Variants in NBPF11 observed in about 807,000 individuals in gnomAD.
NBPF11 encodes the protein NBPF member 11.
A neutral mutation model predicts 93.9 loss-of-function variants in NBPF11; 72 were observed. That is an observed-to-expected ratio of 0.77 (90% CI 0.63 to 0.93). The LOEUF is 0.93. NBPF11 is among the 40% of genes least tolerant of loss of function. The pLI is 0.00. For synonymous variants in NBPF11, 224 were observed against 304.9 expected (o/e 0.73, Z 2.76); for missense variants, 705 against 802.2 (o/e 0.88, Z 1.46).
In NBPF11 at chr1:148,126,915, T is replaced by C; in HGVS notation, c.89A>G (p.Glu30Gly). 2 of 1,290,044 alleles carry C rather than the reference T, an allele frequency of 1.6e-6. No homozygotes were observed. The highest frequency in any genetic ancestry group is 2.3e-5 in the East Asian group (1 of 42,888). The allele number at this position is 1,290,044 out of a possible 1,614,324, so 79.9% of individuals were successfully genotyped here. A position where few individuals can be genotyped will look rare whatever the true frequency, so the allele number is the denominator to read the frequency against. ...INEKLRPQLA[E>G]NKQQFRNLKE... Reference sequence around the variant, plus strand: ...GAGGTTTCTGAACTGCTGTTTGTTCTCTGCCAACTGGGGGCGCAATTTCTC... The same window carrying C: ...GAGGTTTCTGAACTGCTGTTTGTTCCCTGCCAACTGGGGGCGCAATTTCTC... Residue 30 changes from glutamate (E) to glycine (G), a missense_variant, in exon 5 of 24, where the codon GAG becomes GGG. Physicochemically the swap from Glu to Gly is moderately conservative, Grantham distance 98. This residue lies in a region of NBPF11 where 128 missense variants were observed against 112.8 expected (regional missense o/e 1.14). Coordinates refer to ENST00000682118, the MANE Select transcript of NBPF11 (RefSeq NM_001385469.3).
In NBPF11 at chr1:148,103,516, G is replaced by A. The variant is rs1424703126; in HGVS notation, c.*380C>T. Reference sequence around the variant, plus strand: ...ATTGTCTTCAGACTGAGCACAGGTTGCCACTGGCATGCTCTGAGAATAGGA... The same window carrying A: ...ATTGTCTTCAGACTGAGCACAGGTTACCACTGGCATGCTCTGAGAATAGGA... On this transcript the variant is annotated 3_prime_UTR_variant, in exon 24 of 24. Transcript: ENST00000682118. The A allele has an allele frequency of 1.3e-5, 18 of 1,395,832 alleles. No homozygotes were observed. Among genetic ancestry groups the A allele is most frequent in the Non-Finnish European group, 1.8e-5 (18 of 1,018,292 alleles). The allele number at this position is 1,395,832 out of a possible 1,614,324, so 86.5% of individuals were successfully genotyped here.
rs1271540031 is a variant in NBPF11, at chr1:148,132,901, C to T, written c.-36+2771G>A. ...CAAGTAGCTGGACTACAGGCACATG[C>T]CACCACGCCTAGCTAATTTTTTGTA... is the stretch of plus-strand genomic sequence containing the variant. On this transcript the variant is annotated intron_variant, in intron 4 of 23. Coordinates refer to ENST00000682118, the MANE Select transcript of NBPF11 (RefSeq NM_001385469.3). 2.9e-5 allele frequency among the ~76,000 whole-genome samples: 4 copies of T among 138,186 alleles called. No individual in the cohort carries two copies. The South Asian group carries it at 1.0e-3, about 35-fold the overall frequency. 90.7% of individuals were successfully genotyped at this position (138,186 alleles called of 152,430 possible). A position where few individuals can be genotyped will look rare whatever the true frequency, so the allele number is the denominator to read the frequency against.
chr1:148,145,573 A>G (rs1173043572), intron 1 of NBPF11, among the ~76,000 whole-genome samples: 3 of 150,858 alleles, frequency 2.0e-5, no homozygotes, highest in Non-Finnish European at 1.5e-5. Context: ...TTGATAAAGT[A>G]TATTTCATTA....
rs1202275340 is a variant in NBPF11 at position 148,102,309 on chromosome 1, A to G, written c.*1587T>C. The G allele has an allele frequency of 7.9e-6, 1 of 127,268 alleles. No homozygotes were observed. The highest frequency in any genetic ancestry group is 1.7e-5 in the Non-Finnish European group (1 of 57,608). The allele number at this position is 127,268 out of a possible 1,614,324, so 7.9% of individuals were successfully genotyped here. On this transcript the variant is annotated 3_prime_UTR_variant, in exon 24 of 24. Transcript: ENST00000682118. ...CCAAAATTTGCAGCGTAGAGATATG[A>G]ATATAATAATAGACACAGGCAGGGA...
rs1454407408 is a variant in NBPF11 at position 148,146,200 on chromosome 1, C to T, written c.-548-2514G>A. Among the ~76,000 whole-genome samples the T allele has an allele frequency of 3.3e-5, 5 of 151,748 alleles. No individual in the cohort carries two copies. In the South Asian group the frequency reaches 6.2e-4, roughly 19 times the overall value. ...CATGGAGACCTGTGGTTGCGAGGCT[C>T]CCTGGGGCTCGGCTTGGACCGCGAT... is the stretch of plus-strand genomic sequence containing the variant. On this transcript the variant is annotated intron_variant, in intron 1 of 23. Coordinates refer to ENST00000682118, the MANE Select transcript of NBPF11 (RefSeq NM_001385469.3).
chr1:148,141,505 C>T (rs1672161739), intron 2 of NBPF11, among the ~76,000 whole-genome samples: 1 of 152,032 alleles, frequency 6.6e-6, no homozygotes, highest in African/African-American at 2.4e-5. Flanking sequence ...TGCAGCAGCC[C>T]CATACCAAGG....
In NBPF11 at chr1:148,123,871, C is replaced by A. The variant is rs1207133286; in HGVS notation, c.475G>T (p.Val159Phe). ...ACCTTACCTGGGCTGAGCTTTTGGA[C>A]AAGGTGCTGTGCCAGTCTACACCCC... ...AEGCRLAQHLVQKLSPENDED... is the reference protein window; with the variant it reads ...AEGCRLAQHLFQKLSPENDED... The change falls in exon 7 of 24, where the codon GTC (valine) becomes TTC (phenylalanine). Residue 159 changes from valine (V) to phenylalanine (F), a missense_variant. By Grantham distance (50) the Val-to-Phe change is conservative. Coordinates refer to ENST00000682118, the MANE Select transcript of NBPF11 (RefSeq NM_001385469.3). The A allele has an allele frequency of 5.2e-3, 8,271 of 1,605,324 alleles. 6 individuals are homozygous for A. The highest frequency in any genetic ancestry group is 0.029 in the Middle Eastern group (130 of 4,420).
rs1553268089 is a variant in NBPF11, at chr1:148,109,228, C to G, written c.1853+56G>C. 1.7e-5 allele frequency: 16 copies of G among 931,494 alleles called. No individual in the cohort carries two copies. The East Asian group carries it at 2.9e-4, about 17-fold the overall frequency. 57.7% of individuals were successfully genotyped at this position (931,494 alleles called of 1,614,324 possible). Reference sequence around the variant, plus strand: ...TTCAGCGTGTACTGTTTTCCCTGGACTTGGCATCTCCAGGTGTCAACATCA... The same window carrying G: ...TTCAGCGTGTACTGTTTTCCCTGGAGTTGGCATCTCCAGGTGTCAACATCA... On this transcript the variant is annotated intron_variant, in intron 17 of 23. Transcript: ENST00000682118.
At chr1:148,121,365 T>TTTTTTTTTTTA (rs1208452574) in intron 9 of NBPF11, among the ~76,000 whole-genome samples, 1 of 145,564 alleles carries the variant, frequency 6.9e-6, no homozygotes, top group Admixed American at 6.9e-5. Context: ...TTTTTTTTTT[T>TTTTTTTTTTTA]GAGATGCAGT....
intron 14 of NBPF11, among the ~76,000 whole-genome samples, chr1:148,115,205 C>T (rs1208185779): frequency 1.0e-5 from 1 of 96,010 alleles, no homozygotes; most frequent in Non-Finnish European, 2.2e-5. Flanking sequence ...AAAAAAAAAT[C>T]TACGACGCTA....
chr1:148,110,099 G>C lies in NBPF11; in HGVS notation c.1801+279C>G, dbSNP rs1185916564. On this transcript the variant is annotated intron_variant, in intron 16 of 23. Transcript: ENST00000682118. ...TCCTGGGCATGTGCTGCACAGTTTG[G>C]TGTGAGTTTGCCACACCTGCCTTGA... is the stretch of plus-strand genomic sequence containing the variant. Among the ~76,000 whole-genome samples the C allele has an allele frequency of 9.9e-5, 15 of 151,942 alleles. No individual in the cohort carries two copies. The East Asian group carries it at 2.5e-3, about 25-fold the overall frequency.
In NBPF11 at chr1:148,111,285, A is replaced by G. The variant is rs1378927968; in HGVS notation, c.1638-744T>C. On this transcript the variant is annotated intron_variant, in intron 15 of 23. Coordinates refer to ENST00000682118, the MANE Select transcript of NBPF11 (RefSeq NM_001385469.3). ...AAAGACCAAGGGTAGATAAAACCAC[A>G]AAGGTGGGGAGAAACCAGAGCACAA... 1.5e-4 allele frequency among the ~76,000 whole-genome samples: 23 copies of G among 152,230 alleles called. 1 individual carries two copies. The highest frequency in any genetic ancestry group is 5.5e-4 in the African/African-American group (23 of 41,468).
At chr1:148,105,765 C>T (rs1378354380) in intron 21 of NBPF11, among the ~76,000 whole-genome samples, 5 of 87,766 alleles carry the variant, frequency 5.7e-5, no homozygotes, top group Non-Finnish European at 9.7e-5. Flanking sequence ...CACAAAGACA[C>T]ACACACACAC....
chr1:148,104,450 A>G (rs1663041082), intron 23 of NBPF11, 87 bp downstream of exon 23: 2 of 608,300 alleles, frequency 3.3e-6, no homozygotes, highest in Non-Finnish European at 5.7e-6. Context: ...CGTTGAAAAC[A>G]TGACATCAAA....
intron 4 of NBPF11, among the ~76,000 whole-genome samples, chr1:148,134,040 G>T (rs1211251979): frequency 6.6e-6 from 1 of 152,070 alleles, no homozygotes; most frequent in African/African-American, 2.4e-5. Flanking sequence ...GAACCCTGTT[G>T]TTCTGACAGC....
At chr1:148,148,217 G>C (rs1647246558) in intron 1 of NBPF11, among the ~76,000 whole-genome samples, 2 of 152,242 alleles carry the variant, frequency 1.3e-5, no homozygotes, top group Admixed American at 1.3e-4. Flanking sequence ...AGGAGGCTGG[G>C]ATTCCAGGCC....
chr1:148,132,068 CTATT>C (rs1413551237), intron 4 of NBPF11, among the ~76,000 whole-genome samples: 116 of 144,636 alleles, frequency 8.0e-4, no homozygotes, highest in African/African-American at 2.8e-3. Context: ...TCTGAAGTAT[CTATT>C]CAAGTCTTTT....
At chr1:148,108,262 C>A (rs1234393452) in intron 18 of NBPF11, among the ~76,000 whole-genome samples, 1 of 151,810 alleles carries the variant, frequency 6.6e-6, no homozygotes, top group Non-Finnish European at 1.5e-5. Context: ...ATTAGGGTGC[C>A]ACAGGCATGG....
chr1:148,105,396 C>G lies in NBPF11; in HGVS notation c.2436G>C (p.Trp812Cys), dbSNP rs1236763507. ...AGAGAAAAGCCAACATGTTTTTCCT[C>G]CAATGCATAAAAGGAACTTCCGTAG... The part of the protein sequence containing the change: ...ASPTEVPFMH[W>C]RKNMLAFLLT... Residue 812 changes from tryptophan (W) to cysteine (C), a missense_variant, in exon 22 of 24, where the codon TGG (tryptophan) becomes TGC (cysteine). Coordinates refer to ENST00000682118, the MANE Select transcript of NBPF11 (RefSeq NM_001385469.3). 9.1e-6 allele frequency: 9 copies of G among 994,034 alleles called. No homozygotes were observed. Among genetic ancestry groups the G allele is most frequent in the Non-Finnish European group, 1.4e-5 (9 of 624,802 alleles). The allele number at this position is 994,034 out of a possible 1,614,324, so 61.6% of individuals were successfully genotyped here. A position where few individuals can be genotyped will look rare whatever the true frequency, so the allele number is the denominator to read the frequency against.
Sources: allele counts gnomAD v4.1 joint callset (sites outside exome capture counted in the v4.1 genomes callset), GRCh38; gene constraint gnomAD v4.1.1; regional missense constraint gnomAD v4.1.1; transcripts MANE v1.5; gene names NCBI Gene and HGNC (gene_info 2026-07-23, HGNC 2026-07-21).